The following OXNAD1 variants were observed in gnomAD, a reference collection of about 807,000 sequenced individuals.
OXNAD1 encodes oxidoreductase NAD-binding domain-containing protein 1.
Under a neutral mutation model 32.9 loss-of-function variants are expected in OXNAD1, and 34 were observed. The ratio of observed to expected loss-of-function variants is 1.03; its 90% confidence interval spans 0.79 to 1.38. The LOEUF (loss-of-function observed/expected upper bound fraction) is 1.38, where lower values mean the gene tolerates loss of function less well. OXNAD1 is among the 40% of genes most tolerant of loss of function. The pLI is 0.00. For missense variants in OXNAD1, 407 were observed against 379.4 expected (o/e 1.07, Z -0.60); for synonymous variants, 134 against 135.2 (o/e 0.99, Z 0.06).
At chr3:16,286,827 G>GT (rs754552549) in intron 5 of OXNAD1, among the ~76,000 whole-genome samples, 3 of 152,332 alleles carry the variant, frequency 2.0e-5, no homozygotes, top group East Asian at 3.9e-4. Context: ...AGATTCATAG[G>GT]TTTTTTAAAA....
At chr3:16,340,131 CCT>C (rs1469254164), downstream of OXNAD1, among the ~76,000 whole-genome samples, 54 of 152,322 alleles carry the variant, frequency 3.5e-4, no homozygotes, top group African/African-American at 1.2e-3. Flanking sequence ...TTGTTTCTTC[CCT>C]GTTTCTGTTC....
rs371501351 is a variant in OXNAD1 at position 16,271,729 on chromosome 3, A to G, written c.183+7A>G. On this transcript the variant is annotated splice_region_variant and intron_variant, in intron 4 of 8. Transcript: ENST00000285083. This position sits in a 1 kb window ranked among gnomAD's most constrained non-coding sequence, Gnocchi z 4.6. The stretch of plus-strand genomic sequence containing the variant: ...AAGTGTCCTTCGACGGGAGGTTTGT[A>G]TCTTTGGGGTATGACAGGTTTTTCC... The G allele has an allele frequency of 1.6e-5, 25 of 1,604,550 alleles. No individual in the cohort carries two copies. Among genetic ancestry groups the G allele is most frequent in the Non-Finnish European group, 1.7e-5 (20 of 1,177,560 alleles).
chr3:16,317,575 G>A lies in OXNAD1; in HGVS notation c.*30+13983G>A, dbSNP rs554876431. Among the ~76,000 whole-genome samples, 17 of 152,312 alleles carry A rather than the reference G, an allele frequency of 1.1e-4. No individual in the cohort carries two copies. Among genetic ancestry groups the A allele is most frequent in the African/African-American group, 3.6e-4 (15 of 41,562 alleles). Reference sequence around the variant, plus strand: ...TGGAGGGCCAGGATGGAGAGGAGATGTGAGGCCTGCCCCCAGTAAGAGCCA... The same window carrying A: ...TGGAGGGCCAGGATGGAGAGGAGATATGAGGCCTGCCCCCAGTAAGAGCCA... On this transcript the variant is annotated intron_variant, in intron 9 of 9. Transcript: ENST00000435829. The surrounding 1 kb of genome is among the most constrained non-coding windows in gnomAD (Gnocchi z 4.3).
intron 9 of OXNAD1, among the ~76,000 whole-genome samples, chr3:16,323,700 C>T (rs940806033): frequency 7.2e-5 from 11 of 152,330 alleles, no homozygotes; most frequent in South Asian, 4.1e-4. Flanking sequence ...TAGCTGGACA[C>T]GCCCATTCCC....
At position 16,346,778 on chromosome 3, in the gene OXNAD1, A is replaced by T. The variant is rs1214331729; in HGVS notation, c.*31-2398A>T. On this transcript the variant is annotated intron_variant, in intron 9 of 9. Transcript: ENST00000606098. This position sits in a 1 kb window ranked among gnomAD's most constrained non-coding sequence, Gnocchi z 4.4. ...TCTTCACGGTTGTCATCACATTTGC[A>T]TGAGACACCTAGAATTGCCACAGTC... Among the ~76,000 whole-genome samples the T allele has an allele frequency of 6.6e-6, 1 of 152,200 alleles. No individual in the cohort carries two copies. Among genetic ancestry groups the T allele is most frequent in the Non-Finnish European group, 1.5e-5 (1 of 68,022 alleles).
At chr3:16,295,935 G>A (rs1166169575) in intron 6 of OXNAD1, among the ~76,000 whole-genome samples, 2 of 152,138 alleles carry the variant, frequency 1.3e-5, no homozygotes, top group Non-Finnish European at 2.9e-5. Context: ...AGAATTTTTG[G>A]GTTTCTGTAG....
At chr3:16,295,864 C>T (rs2066750812) in intron 6 of OXNAD1, among the ~76,000 whole-genome samples, 1 of 152,090 alleles carries the variant, frequency 6.6e-6, no homozygotes, top group African/African-American at 2.4e-5. Flanking sequence ...AAAAAGAAAA[C>T]AAAACCTCTA....
intron 4 of OXNAD1, chr3:16,274,917 G>A (rs1185695454): frequency 6.6e-6 from 1 of 152,188 alleles, no homozygotes; most frequent in African/African-American, 2.4e-5. Context: ...TTTAAGAACA[G>A]GATACAGTTG....
Position 16,345,252 on chromosome 3 carries a change from A to G in OXNAD1, c.*31-3924A>G, listed in dbSNP as rs2071562455. On this transcript the variant is annotated intron_variant, in intron 9 of 9. Transcript: ENST00000606098. The surrounding 1 kb of genome is among the most constrained non-coding windows in gnomAD (Gnocchi z 5.2). The stretch of plus-strand genomic sequence containing the variant: ...TCTGGCCCACAGAAACTGTAAGATA[A>G]TAAGTAGGTGGTTGTGTGTGTGTGT... 7.7e-6 allele frequency: 1 copy of G among 130,440 alleles called. No homozygotes were observed. The highest frequency in any genetic ancestry group is 3.6e-5 in the African/African-American group (1 of 27,446). 8.1% of individuals were successfully genotyped at this position (130,440 alleles called of 1,614,324 possible).
rs959587346 is a variant in OXNAD1 at position 16,277,279 on chromosome 3, G to A, written c.183+5557G>A. 1.3e-5 allele frequency among the ~76,000 whole-genome samples: 2 copies of A among 152,086 alleles called. No individual in the cohort carries two copies. Among genetic ancestry groups the A allele is most frequent in the East Asian group, 1.9e-4 (1 of 5,192 alleles). ...TTCTCCCATACAGAATGAGAACTGCGAAGAGTTGGGAGGAACTGGAGAAAG... is the reference window on the plus strand; with the variant it reads ...TTCTCCCATACAGAATGAGAACTGCAAAGAGTTGGGAGGAACTGGAGAAAG... On this transcript the variant is annotated intron_variant, in intron 4 of 8. Coordinates refer to ENST00000285083, the MANE Select transcript of OXNAD1 (RefSeq NM_138381.5). This position sits in a 1 kb window ranked among gnomAD's most constrained non-coding sequence, Gnocchi z 4.3.
chr3:16,331,133 C>T (rs1331746860), intron 9 of OXNAD1, among the ~76,000 whole-genome samples: 3 of 152,192 alleles, frequency 2.0e-5, no homozygotes, highest in East Asian at 3.8e-4. Context: ...TGCCTCTATT[C>T]CTGACATCCA....
downstream of OXNAD1, among the ~76,000 whole-genome samples, chr3:16,310,295 C>T (rs1183232960): frequency 1.3e-5 from 2 of 151,892 alleles, no homozygotes; most frequent in Non-Finnish European, 2.9e-5. Flanking sequence ...AGTTGATTCT[C>T]TTGTTTTTTT....
chr3:16,313,712 A>G (rs577327255), intron 9 of OXNAD1: 10 of 152,312 alleles, frequency 6.6e-5, no homozygotes, highest in African/African-American at 2.4e-4. Flanking sequence ...TTACACATGT[A>G]GACTGGGTCT....
chr3:16,291,001 A>G (rs894834455), intron 5 of OXNAD1, among the ~76,000 whole-genome samples: 1 of 152,182 alleles, frequency 6.6e-6, no homozygotes. Context: ...CTGTGTTCCA[A>G]TACATTTTTC....
chr3:16,269,238 T>C lies in OXNAD1; in HGVS notation c.-46T>C. 6.5e-7 allele frequency: 1 copy of C among 1,535,460 alleles called. No homozygotes were observed. Among genetic ancestry groups the C allele is most frequent in the Non-Finnish European group, 8.7e-7 (1 of 1,146,792 alleles). On this transcript the variant is annotated 5_prime_UTR_variant, in exon 2 of 9. Transcript: ENST00000285083. ...AAATATTCTGTCAATCAGCTGACCATATACTTAATGACTCCTAAAATCTCG... is the reference window on the plus strand; with the variant it reads ...AAATATTCTGTCAATCAGCTGACCACATACTTAATGACTCCTAAAATCTCG...
rs937139532 is a variant in OXNAD1, at chr3:16,301,822, T to G, written c.629T>G (p.Ile210Arg). Reference sequence around the variant, plus strand: ...AGAAATGGATATGAGATAGGAACAATAAAACTATTCTACAGTGCAAAAAAT... The same window carrying G: ...AGAAATGGATATGAGATAGGAACAAGAAAACTATTCTACAGTGCAAAAAAT... Reference protein sequence around the residue: ...NKRNGYEIGTIKLFYSAKNTS... With the variant: ...NKRNGYEIGTRKLFYSAKNTS... Residue 210 changes from isoleucine to arginine, a missense_variant, in exon 7 of 9, where the codon ATA (isoleucine) becomes AGA (arginine). Ile to Arg is a moderately conservative substitution (Grantham distance 97, BLOSUM62 -3). Transcript: ENST00000285083. The surrounding 1 kb of genome is among the most constrained non-coding windows in gnomAD (Gnocchi z 4.1). 1.3e-5 allele frequency: 21 copies of G among 1,614,078 alleles called. No individual in the cohort carries two copies. The highest frequency in any genetic ancestry group is 1.5e-5 in the Non-Finnish European group (18 of 1,179,960).
In OXNAD1 at chr3:16,317,350, A is replaced by G; in HGVS notation, c.*30+13758A>G. The G allele has an allele frequency of 9.1e-7, 1 of 1,102,096 alleles. No individual in the cohort carries two copies. The highest frequency in any genetic ancestry group is 1.3e-6 in the Non-Finnish European group (1 of 768,834). The allele number at this position is 1,102,096 out of a possible 1,614,324, so 68.3% of individuals were successfully genotyped here. On this transcript the variant is annotated intron_variant, in intron 9 of 9. Transcript: ENST00000435829. The surrounding 1 kb of genome is among the most constrained non-coding windows in gnomAD (Gnocchi z 4.3). ...CTGAGTGAGACATACAATTCCCAGC[A>G]TCCCCCAGCCAGGCAGTACAGGCAC...
rs147050696 is a variant in OXNAD1 at position 16,301,732 on chromosome 3, G to T, written c.539G>T (p.Gly180Val). 6.2e-7 allele frequency: 1 copy of T among 1,614,020 alleles called. No homozygotes were observed. The highest frequency in any genetic ancestry group is 8.5e-7 in the Non-Finnish European group (1 of 1,179,984). Reference sequence around the variant, plus strand: ...CTCGTGTTGATTGCAGGAGGAGTCGGAATTAACCCTCTGCTTTCCATCCTG... The same window carrying T: ...CTCGTGTTGATTGCAGGAGGAGTCGTAATTAACCCTCTGCTTTCCATCCTG... Reference protein sequence around the residue: ...RNLVLIAGGVGINPLLSILRH... With the variant: ...RNLVLIAGGVVINPLLSILRH... The change falls in exon 7 of 9, where the codon GGA becomes GTA. Residue 180 changes from glycine (G) to valine (V), a missense_variant. Transcript: ENST00000285083. This position sits in a 1 kb window ranked among gnomAD's most constrained non-coding sequence, Gnocchi z 4.1.
chr3:16,341,361 T>C (rs774521820), downstream of OXNAD1, among the ~76,000 whole-genome samples: 10 of 152,266 alleles, frequency 6.6e-5, no homozygotes, highest in Admixed American at 2.0e-4. This position sits in a 1 kb window ranked among gnomAD's most constrained non-coding sequence, Gnocchi z 4.7. Flanking sequence ...CATGGCTGTT[T>C]ATAGCAGCTT....
Sources: gnomAD v4.1 joint callset for allele counts (sites outside exome capture counted in the v4.1 genomes callset) on GRCh38, gnomAD v4.1.1 for gene constraint, Gnocchi (gnomAD v3.1) non-coding constraint, MANE v1.5 for transcripts, NCBI Gene and HGNC (gene_info 2026-07-23, HGNC 2026-07-21) for gene names.